Variants in TLL1 observed in about 807,000 individuals in gnomAD.
TLL1 encodes tolloid like 1, also known as tolloid-like protein 1.
TLL1 carries 49 observed loss-of-function variants against 128.2 expected under a neutral mutation model. That is an observed-to-expected ratio of 0.38 (90% confidence interval 0.30 to 0.48). The LOEUF (loss-of-function observed/expected upper bound fraction) is 0.48. Among genes scored for constraint, TLL1 ranks in the 20% least tolerant of loss-of-function variants. TLL1 has a pLI of 0.96. For missense variants in TLL1, 1,123 were observed against 1,242.0 expected (o/e 0.90, Z 1.44); for synonymous variants, 454 against 418.8 (o/e 1.08, Z -1.03).
In TLL1 at chr4:166,101,218, T is replaced by C; in HGVS notation, c.*342T>C. The C allele has an allele frequency of 3.4e-6, 1 of 298,010 alleles. No individual in the cohort carries two copies. Among genetic ancestry groups the C allele is most frequent in the South Asian group, 3.4e-5 (1 of 29,762 alleles). The allele number at this position is 298,010 out of a possible 1,614,324, so 18.5% of individuals were successfully genotyped here. ...GAACTGTGACCCTGCAGTGTTCTTTTTGACAATTTGTCAAGATTTAGGGAC... is the reference window on the plus strand; with the variant it reads ...GAACTGTGACCCTGCAGTGTTCTTTCTGACAATTTGTCAAGATTTAGGGAC... On this transcript the variant is annotated 3_prime_UTR_variant, in exon 21 of 21. Coordinates refer to ENST00000061240, the MANE Select transcript of TLL1 (RefSeq NM_012464.5).
rs112566226 is a variant in TLL1, at chr4:165,881,165, C to G, written c.169+7092C>G. ...GAAGTTAAGATCTTTCAAATATCCC[C>G]GGGAGAAACACCATGAATAATTAGG... On this transcript the variant is annotated intron_variant, in intron 1 of 20. Coordinates refer to ENST00000061240, the MANE Select transcript of TLL1 (RefSeq NM_012464.5). Among the ~76,000 whole-genome samples the G allele has an allele frequency of 1.8e-4, 28 of 152,198 alleles. No individual in the cohort carries two copies. The South Asian group carries it at 5.2e-3, about 28-fold the overall frequency.
Position 165,873,818 on chromosome 4 carries a change from C to A in TLL1, c.-87C>A, listed in dbSNP as rs1730598159. The A allele has an allele frequency of 4.0e-6, 6 of 1,508,182 alleles. No homozygotes were observed. The South Asian group carries it at 4.6e-5, about 11-fold the overall frequency. 93.4% of individuals were successfully genotyped at this position (1,508,182 alleles called of 1,614,324 possible). A position where few individuals can be genotyped will look rare whatever the true frequency, so the allele number is the denominator to read the frequency against. On this transcript the variant is annotated 5_prime_UTR_variant, in exon 1 of 21. Transcript: ENST00000061240. ...GAGCCTCCGGGTGGGGAGAAGAGCA[C>A]CGGTGCCCCTAGCCCCGCACATCAG...
chr4:166,076,220 A>G (rs953334325), intron 17 of TLL1, among the ~76,000 whole-genome samples: 2 of 152,028 alleles, frequency 1.3e-5, no homozygotes, highest in African/African-American at 4.8e-5. Context: ...CTACAGGTGC[A>G]CACCACCATG....
At chr4:165,890,612 C>G (rs1157959254) in intron 1 of TLL1, among the ~76,000 whole-genome samples, 2 of 152,226 alleles carry the variant, frequency 1.3e-5, no homozygotes, top group African/African-American at 4.8e-5. Flanking sequence ...CTTTGACTAC[C>G]TGTCTCACAT....
At chr4:165,955,729 A>G (rs1734753460) in intron 1 of TLL1, among the ~76,000 whole-genome samples, 1 of 152,164 alleles carries the variant, frequency 6.6e-6, no homozygotes, top group African/African-American at 2.4e-5. Context: ...TTTTCCAGAA[A>G]AGCAATGCTA....
chr4:166,095,551 C>T (rs1213456824), intron 19 of TLL1, among the ~76,000 whole-genome samples: 1 of 152,042 alleles, frequency 6.6e-6, no homozygotes, highest in Non-Finnish European at 1.5e-5. Flanking sequence ...AAACATCATG[C>T]TCTTTGTCAA....
chr4:165,967,639 G>C (rs139599108), intron 1 of TLL1, among the ~76,000 whole-genome samples: 22 of 152,268 alleles, frequency 1.4e-4, no homozygotes, highest in African/African-American at 5.3e-4. Flanking sequence ...ATCTGGTTGA[G>C]TGGCATGCCA....
intron 1 of TLL1, among the ~76,000 whole-genome samples, chr4:165,985,390 A>G (rs1365637029): frequency 6.6e-6 from 1 of 151,998 alleles, no homozygotes; most frequent in Non-Finnish European, 1.5e-5. Context: ...TCTTGAGGAT[A>G]TTTGGTTTCC....
chr4:165,942,368 C>T lies in TLL1; in HGVS notation c.170-47013C>T, dbSNP rs185850000. ...CAGCAGGAAGCCTTCCTTCTCTGTC[C>T]ACCTTAGGCTGAACTAAAAACAATA... On this transcript the variant is annotated intron_variant, in intron 1 of 20. Transcript: ENST00000061240. 7.9e-5 allele frequency among the ~76,000 whole-genome samples: 12 copies of T among 151,868 alleles called. No individual in the cohort carries two copies. In the East Asian group the frequency reaches 2.1e-3, roughly 27 times the overall value.
intron 14 of TLL1, 138 bp from the exon 15 acceptor site, chr4:166,059,890 C>G (rs1218904185): frequency 1.0e-6 from 1 of 997,496 alleles, no homozygotes; most frequent in East Asian, 2.4e-5. Flanking sequence ...GGAGCAGAGA[C>G]TGCCATTTCT....
At chr4:166,055,986 A>C (rs76309654) in intron 13 of TLL1, among the ~76,000 whole-genome samples, 7,606 of 152,148 alleles carry the variant, frequency 0.05, 239 homozygotes, top group African/African-American at 0.068. Flanking sequence ...ATAGGATAGG[A>C]TAAAGGATTC....
chr4:166,045,733 G>C (rs188090817), intron 12 of TLL1, among the ~76,000 whole-genome samples: 1 of 151,968 alleles, frequency 6.6e-6, no homozygotes, highest in Non-Finnish European at 1.5e-5. Context: ...GTGTCAGCTC[G>C]TCTCGCCCTC....
At chr4:166,067,303 A>C (rs1477624745) in intron 16 of TLL1, among the ~76,000 whole-genome samples, 1 of 151,888 alleles carries the variant, frequency 6.6e-6, no homozygotes, top group African/African-American at 2.4e-5. Flanking sequence ...AGTATGATTA[A>C]ATTTAGTTAC....
chr4:166,060,937 G>A (rs953624551), intron 15 of TLL1, among the ~76,000 whole-genome samples: 2 of 152,072 alleles, frequency 1.3e-5, no homozygotes, highest in African/African-American at 2.4e-5. Flanking sequence ...TCTTCTGTAC[G>A]TTCTCTTCTT....
intron 1 of TLL1, among the ~76,000 whole-genome samples, chr4:165,887,386 A>G (rs1698382593): frequency 1.3e-5 from 2 of 152,142 alleles, no homozygotes; most frequent in African/African-American, 4.8e-5. Context: ...GAGACCAGTG[A>G]CCAGCTGGAT....
intron 16 of TLL1, among the ~76,000 whole-genome samples, chr4:166,069,706 C>G (rs1360029417): frequency 2.0e-5 from 3 of 151,646 alleles, no homozygotes; most frequent in Non-Finnish European, 4.4e-5. Context: ...AGGGATGTCT[C>G]TAAGAACTTT....
intron 15 of TLL1, among the ~76,000 whole-genome samples, chr4:166,063,276 C>A (rs1466047678): frequency 1.3e-5 from 2 of 152,124 alleles, no homozygotes; most frequent in Non-Finnish European, 2.9e-5. Flanking sequence ...AAATGCAAAT[C>A]AAAACCACAA....
chr4:165,954,571 C>T (rs1734685939), intron 1 of TLL1, among the ~76,000 whole-genome samples: 1 of 152,038 alleles, frequency 6.6e-6, no homozygotes, highest in East Asian at 1.9e-4. Context: ...CTCTCTTGCC[C>T]TGTGACCTGC....
At chr4:166,098,021 A>G (rs1742103454) in intron 19 of TLL1, among the ~76,000 whole-genome samples, 1 of 151,862 alleles carries the variant, frequency 6.6e-6, no homozygotes, top group Non-Finnish European at 1.5e-5. Context: ...CCTTTATTTA[A>G]TCTCCAGTAA....
Sources: allele counts gnomAD v4.1 joint callset (sites outside exome capture counted in the v4.1 genomes callset), GRCh38; gene constraint gnomAD v4.1.1; transcripts MANE v1.5; gene names NCBI Gene and HGNC (gene_info 2026-07-23, HGNC 2026-07-21).